Variants in MTUS2 observed in about 807,000 individuals in gnomAD.
The protein encoded by MTUS2 is microtubule-associated tumor suppressor candidate 2.
Under a neutral mutation model 114.1 loss-of-function variants are expected in MTUS2, and 40 were observed. The ratio of observed to expected loss-of-function variants is 0.35; its 90% CI spans 0.27 to 0.46. MTUS2 has a LOEUF of 0.46. Among genes scored for constraint, MTUS2 ranks in the 20% least tolerant of loss-of-function variants. The pLI is 1.00. For synonymous variants in MTUS2, 688 were observed against 672.0 expected, an observed-to-expected ratio of 1.02 and a Z score of -0.37; for missense variants, 1,679 against 1,705.4, an observed-to-expected ratio of 0.98 and a Z score of 0.27.
In MTUS2 at chr13:28,898,164, G is replaced by A. The variant is rs138660746; in HGVS notation, c.-243+58314G>A. On this transcript the variant is annotated intron_variant, in intron 2 of 15. Coordinates refer to ENST00000612955, the MANE Select transcript of MTUS2 (RefSeq NM_001033602.4). ...AGGACCCAGTACAAAATAAAAATAC[G>A]GGGTTTCCTGTTAAAAAATTCGTAG... 5.4e-3 allele frequency among the ~76,000 whole-genome samples: 825 copies of A among 152,204 alleles called. 11 individuals carry two copies. Among genetic ancestry groups the A allele is most frequent in the African/African-American group, 0.019 (782 of 41,518 alleles).
intron 5 of MTUS2, among the ~76,000 whole-genome samples, chr13:29,101,420 T>G (rs1017938298): frequency 5.3e-5 from 8 of 152,146 alleles, no homozygotes; most frequent in African/African-American, 1.9e-4. Context: ...GTTAAATAAA[T>G]GATGTTAAAA....
chr13:28,824,823 A>G (rs747902511), intron 1 of MTUS2, among the ~76,000 whole-genome samples: 1 of 152,220 alleles, frequency 6.6e-6, no homozygotes, highest in Non-Finnish European at 1.5e-5. Flanking sequence ...AGATGAGGTT[A>G]AGTACTTAAT....
intron 2 of MTUS2, among the ~76,000 whole-genome samples, chr13:28,855,601 A>G (rs1422632730): frequency 6.6e-6 from 1 of 152,160 alleles, no homozygotes; most frequent in Non-Finnish European, 1.5e-5. Flanking sequence ...AAAGGACATG[A>G]TCTCATTCCT....
chr13:29,025,681 A>C lies in MTUS2; in HGVS notation c.983A>C (p.Gln328Pro). The change falls in exon 3 of 16, where the codon CAG becomes CCG. Residue 328 changes from glutamine to proline, a missense_variant. Physicochemically the swap from Gln to Pro is moderately conservative, Grantham distance 76. Around this residue, in one of 3 missense-constraint regions of MTUS2, gnomAD observed 843 missense variants for 770.8 expected, o/e 1.09. Transcript: ENST00000612955. ...GTTGAACAGGAGGGAAAGGCAGCCC[A>C]GGAAGGGTATCTGGGATGCCACAAG... The part of the protein sequence containing the change: ...RRVEQEGKAA[Q>P]EGYLGCHKEE... The C allele has an allele frequency of 6.2e-7, 1 of 1,614,016 alleles. No homozygotes were observed. Among genetic ancestry groups the C allele is most frequent in the Admixed American group, 1.7e-5 (1 of 60,032 alleles).
At chr13:29,119,392 CAGTT>C (rs1303437971) in intron 5 of MTUS2, among the ~76,000 whole-genome samples, 2 of 152,048 alleles carry the variant, frequency 1.3e-5, no homozygotes, top group Non-Finnish European at 2.9e-5. Flanking sequence ...TAGTAGAAAG[CAGTT>C]AGAGATCTAT....
chr13:29,404,207 C>T (rs1044929505), intron 8 of MTUS2, among the ~76,000 whole-genome samples: 2 of 150,094 alleles, frequency 1.3e-5, no homozygotes, highest in African/African-American at 2.5e-5. Flanking sequence ...AAAAATTAGC[C>T]GAGTGTGGTG....
intron 4 of MTUS2, among the ~76,000 whole-genome samples, chr13:29,049,693 C>T (rs1887800990): frequency 6.6e-6 from 1 of 152,126 alleles, no homozygotes; most frequent in Non-Finnish European, 1.5e-5. Flanking sequence ...CCCTGCAGGC[C>T]GGGACTGGGA....
intron 12 of MTUS2, among the ~76,000 whole-genome samples, chr13:29,497,007 T>C (rs529400758): frequency 6.6e-6 from 1 of 152,098 alleles, no homozygotes; most frequent in South Asian, 2.1e-4. Flanking sequence ...TTTTGTGGTG[T>C]CTTCCTGACA....
At chr13:29,012,091 G>A (rs530789424) in intron 2 of MTUS2, among the ~76,000 whole-genome samples, 15 of 152,276 alleles carry the variant, frequency 9.9e-5, no homozygotes, top group African/African-American at 3.4e-4. Flanking sequence ...GAGGTTTATA[G>A]CCTGCAGTCC....
intron 9 of MTUS2, among the ~76,000 whole-genome samples, chr13:29,451,004 C>T (rs1878647282): frequency 6.6e-6 from 1 of 152,172 alleles, no homozygotes; most frequent in Non-Finnish European, 1.5e-5. Context: ...TTGGAGACTC[C>T]AGTACTCCAC....
At chr13:29,029,281 A>G (rs977098636) in intron 3 of MTUS2, among the ~76,000 whole-genome samples, 2 of 152,220 alleles carry the variant, frequency 1.3e-5, no homozygotes, top group African/African-American at 4.8e-5. Flanking sequence ...GCGGGGCTGC[A>G]TGGCATCTTG....
intron 7 of MTUS2, among the ~76,000 whole-genome samples, chr13:29,326,939 C>G (rs1900543113): frequency 6.6e-6 from 1 of 151,906 alleles, no homozygotes; most frequent in Non-Finnish European, 1.5e-5. Context: ...AAGGTCACGC[C>G]ACTACACTCC....
At chr13:29,034,971 A>G (rs1322767822) in intron 4 of MTUS2, among the ~76,000 whole-genome samples, 1 of 152,246 alleles carries the variant, frequency 6.6e-6, no homozygotes, top group Non-Finnish European at 1.5e-5. Context: ...TCAAAGTTAT[A>G]AAAATAATCT....
intron 2 of MTUS2, among the ~76,000 whole-genome samples, chr13:28,847,244 T>G (rs1481701392): frequency 6.6e-6 from 1 of 152,158 alleles, no homozygotes; most frequent in Non-Finnish European, 1.5e-5. Context: ...GACAATAAAG[T>G]CAATATCACT....
In MTUS2 at chr13:29,025,872, C is replaced by G; in HGVS notation, c.1174C>G (p.Leu392Val). Reference sequence around the variant, plus strand: ...AGTCAACCCAGGGGAGCAGGATTCTCTCCACACCACCCCCAAACAGGGCTC... The same window carrying G: ...AGTCAACCCAGGGGAGCAGGATTCTGTCCACACCACCCCCAAACAGGGCTC... ...RGVNPGEQDS[L>V]HTTPKQGSAS... Residue 392 changes from leucine to valine, a missense_variant, in exon 3 of 16, where the codon CTC (leucine) becomes GTC (valine). Leu to Val is a conservative substitution (Grantham distance 32). Coordinates refer to ENST00000612955, the MANE Select transcript of MTUS2 (RefSeq NM_001033602.4). 6.2e-7 allele frequency: 1 copy of G among 1,613,236 alleles called. No homozygotes were observed. Among genetic ancestry groups the G allele is most frequent in the East Asian group, 2.2e-5 (1 of 44,856 alleles).
intron 2 of MTUS2, among the ~76,000 whole-genome samples, chr13:29,008,940 CTTT>C (rs575688783): frequency 6.7e-6 from 1 of 150,170 alleles, no homozygotes; most frequent in Non-Finnish European, 1.5e-5. Flanking sequence ...TCTTCTTCTT[CTTT>C]TTTTTTCTGT....
At chr13:29,371,310 T>C (rs1871176644) in intron 8 of MTUS2, among the ~76,000 whole-genome samples, 1 of 148,530 alleles carries the variant, frequency 6.7e-6, no homozygotes, top group African/African-American at 2.5e-5. Context: ...CTCTGCTTCC[T>C]GGGTTCAAGT....
intron 2 of MTUS2, among the ~76,000 whole-genome samples, chr13:28,953,864 G>A (rs1372599889): frequency 1.3e-5 from 2 of 152,138 alleles, no homozygotes; most frequent in Non-Finnish European, 2.9e-5. Flanking sequence ...CAAATAGACA[G>A]CCAAAGGTGT....
chr13:29,416,255 C>G (rs1242994403), intron 8 of MTUS2, among the ~76,000 whole-genome samples: 1 of 151,826 alleles, frequency 6.6e-6, no homozygotes, highest in Non-Finnish European at 1.5e-5. Flanking sequence ...ATCTTCAACT[C>G]CCACCTGTTG....
Sources: allele counts gnomAD v4.1 joint callset (sites outside exome capture counted in the v4.1 genomes callset), GRCh38; gene constraint gnomAD v4.1.1; regional missense constraint gnomAD v4.1.1; transcripts MANE v1.5; gene names NCBI Gene and HGNC (gene_info 2026-07-23, HGNC 2026-07-21).